Variants in VAPB observed in about 807,000 individuals in gnomAD.
The protein encoded by VAPB is vesicle-associated membrane protein-associated protein B/C.
VAPB carries 7 observed loss-of-function variants against 25.6 expected under a neutral mutation model. The ratio of observed to expected loss-of-function variants is 0.27; its 90% CI spans 0.16 to 0.51. VAPB has a LOEUF of 0.51. Ranked by LOEUF, VAPB falls within the 20% of genes least tolerant of loss-of-function variation. VAPB has a pLI of 0.97. For missense variants in VAPB, 266 were observed against 301.3 expected, an observed-to-expected ratio of 0.88 and a Z score of 0.87; for synonymous variants, 112 against 109.2, an observed-to-expected ratio of 1.03 and a Z score of -0.16.
Position 58,389,409 on chromosome 20 carries a change from C to G in VAPB, c.-51C>G, listed in dbSNP as rs1478197072. The stretch of plus-strand genomic sequence containing the variant: ...GGCGCAGCATTAACGCTTCCCGCCC[C>G]GGTGACCTCTCAGGGGTCTCCCCGC... On this transcript the variant is annotated 5_prime_UTR_variant, in exon 1 of 6. Coordinates refer to ENST00000475243, the MANE Select transcript of VAPB (RefSeq NM_004738.5). 2 of 1,556,660 alleles carry G rather than the reference C, an allele frequency of 1.3e-6. No individual in the cohort carries two copies. The highest frequency in any genetic ancestry group is 1.7e-6 in the Non-Finnish European group (2 of 1,149,554).
rs1338404739 is a variant in VAPB, at chr20:58,450,198, T to C, written c.*5963T>C. On this transcript the variant is annotated 3_prime_UTR_variant, in exon 6 of 6. Coordinates refer to ENST00000475243, the MANE Select transcript of VAPB (RefSeq NM_004738.5). ...AGACTGAATTCAGCTGTTAATCCTCTAGTACAGTATCCATGTTAAAATGTT... is the reference window on the plus strand; with the variant it reads ...AGACTGAATTCAGCTGTTAATCCTCCAGTACAGTATCCATGTTAAAATGTT... The C allele has an allele frequency of 2.2e-6, 1 of 453,780 alleles. No individual in the cohort carries two copies. The highest frequency in any genetic ancestry group is 2.0e-5 in the African/African-American group (1 of 49,964). 28.1% of individuals were successfully genotyped at this position (453,780 alleles called of 1,614,324 possible).
chr20:58,439,545 T>G (rs550919472), intron 4 of VAPB: 2 of 183,852 alleles, frequency 1.1e-5, no homozygotes, highest in East Asian at 2.7e-4. Context: ...GTGGTGGAGG[T>G]TGCCCTGTGT....
chr20:58,435,812 T>C (rs1415234643), intron 3 of VAPB, among the ~76,000 whole-genome samples: 2 of 152,180 alleles, frequency 1.3e-5, no homozygotes, highest in Non-Finnish European at 2.9e-5. Context: ...TTCTGCAACA[T>C]GATGTGTTAC....
At position 58,389,324 on chromosome 20, in the gene VAPB, C is replaced by A. The variant is rs368304523; in HGVS notation, c.-136C>A. The A allele has an allele frequency of 4.9e-5, 47 of 956,588 alleles. No homozygotes were observed. Among genetic ancestry groups the A allele is most frequent in the East Asian group, 3.9e-4 (14 of 35,972 alleles). 59.3% of individuals were successfully genotyped at this position (956,588 alleles called of 1,614,324 possible). ...CCGACCCCCCCCCAGCGCGCCCACC[C>A]GGTAGAGGACCCCCGCCCGTGCCCC... On this transcript the variant is annotated 5_prime_UTR_variant, in exon 1 of 6. Coordinates refer to ENST00000475243, the MANE Select transcript of VAPB (RefSeq NM_004738.5).
chr20:58,444,771 T>G lies in VAPB; in HGVS notation c.*536T>G, dbSNP rs778190410. 27 of 454,446 alleles carry G rather than the reference T, an allele frequency of 5.9e-5. No individual in the cohort carries two copies. In the Admixed American group the frequency reaches 6.1e-4, roughly 10 times the overall value. The allele number at this position is 454,446 out of a possible 1,614,324, so 28.2% of individuals were successfully genotyped here. A position where few individuals can be genotyped will look rare whatever the true frequency, so the allele number is the denominator to read the frequency against. The stretch of plus-strand genomic sequence containing the variant: ...AACAGAGTCAGAAGCCCAAAGGAAT[T>G]GCACTGTGGCAGCATCAGACGTACT... On this transcript the variant is annotated 3_prime_UTR_variant, in exon 6 of 6. Transcript: ENST00000475243.
Position 58,426,143 on chromosome 20 carries a change from A to G in VAPB, c.211+7780A>G, listed in dbSNP as rs1265648731. 2.0e-5 allele frequency among the ~76,000 whole-genome samples: 3 copies of G among 152,072 alleles called. No individual in the cohort carries two copies. In the East Asian group the frequency reaches 5.8e-4, roughly 29 times the overall value. On this transcript the variant is annotated intron_variant, in intron 2 of 5. Coordinates refer to ENST00000475243, the MANE Select transcript of VAPB (RefSeq NM_004738.5). The stretch of plus-strand genomic sequence containing the variant: ...ACTCCTGGCCTCAAGTGATCTGCCT[A>G]CCTCGGCCTCCCAAAGTGCTGGGAT...
intron 2 of VAPB, among the ~76,000 whole-genome samples, chr20:58,420,277 G>A (rs1022537276): frequency 3.3e-5 from 5 of 152,176 alleles, no homozygotes; most frequent in African/African-American, 9.7e-5. Flanking sequence ...GAGCCACCGC[G>A]CCAGGCATCT....
intron 1 of VAPB, among the ~76,000 whole-genome samples, chr20:58,402,104 A>G (rs999815235): frequency 3.9e-5 from 6 of 152,192 alleles, no homozygotes. Context: ...CTTGCTTACA[A>G]TCATTAAATG....
At chr20:58,416,589 G>A (rs1214647170) in intron 1 of VAPB, among the ~76,000 whole-genome samples, 3 of 152,024 alleles carry the variant, frequency 2.0e-5, no homozygotes, top group Non-Finnish European at 4.4e-5. Context: ...TTTATGTCCA[G>A]AATGTCCCTC....
At chr20:58,431,712 G>C (rs893148862) in intron 2 of VAPB, among the ~76,000 whole-genome samples, 1 of 152,020 alleles carries the variant, frequency 6.6e-6, no homozygotes, top group South Asian at 2.1e-4. Context: ...AAGTAGCTGG[G>C]ACTATAGGCT....
chr20:58,422,118 G>A (rs1329552648), intron 2 of VAPB, among the ~76,000 whole-genome samples: 1 of 152,186 alleles, frequency 6.6e-6, no homozygotes, highest in Non-Finnish European at 1.5e-5. Context: ...TTTAGGCCCT[G>A]GCCCCTTGGA....
At chr20:58,415,436 G>C (rs904702579) in intron 1 of VAPB, among the ~76,000 whole-genome samples, 7 of 152,262 alleles carry the variant, frequency 4.6e-5, no homozygotes, top group South Asian at 4.1e-4. Context: ...AGTATTGCCA[G>C]TTTCTCCCAA....
At position 58,448,638 on chromosome 20, in the gene VAPB, C is replaced by T; in HGVS notation, c.*4403C>T. The T allele has an allele frequency of 2.2e-6, 1 of 454,082 alleles. No individual in the cohort carries two copies. The highest frequency in any genetic ancestry group is 2.0e-5 in the African/African-American group (1 of 50,118). 28.1% of individuals were successfully genotyped at this position (454,082 alleles called of 1,614,324 possible). ...AAGTGAGTGGATGAGGCCTTCCTGC[C>T]TCAGCTACTCTGCCCGTCTGTACAT... is the stretch of plus-strand genomic sequence containing the variant. On this transcript the variant is annotated 3_prime_UTR_variant, in exon 6 of 6. Transcript: ENST00000475243.
chr20:58,405,742 CTTTTTT>C (rs71181964), intron 1 of VAPB, among the ~76,000 whole-genome samples: 1 of 43,454 alleles, frequency 2.3e-5, no homozygotes, highest in Non-Finnish European at 3.8e-5. Context: ...GGCCAGGAGC[CTTTTTT>C]TTTTTTTTTT....
chr20:58,440,810 C>T, intron 4 of VAPB, 97 bp from the exon 5 acceptor site: 2 of 1,112,214 alleles, frequency 1.8e-6, no homozygotes, highest in Admixed American at 4.1e-5. Flanking sequence ...TGAAATGCTA[C>T]CACGTTTGGT....
rs1988589913 is a variant in VAPB, at chr20:58,418,194, T to C, written c.59-17T>C. The C allele has an allele frequency of 6.2e-7, 1 of 1,614,104 alleles. No homozygotes were observed. Among genetic ancestry groups the C allele is most frequent in the East Asian group, 2.2e-5 (1 of 44,884 alleles). ...TTCCTCATGAGACCCCCAATCAGTC[T>C]CTGTCTCATTCTACAGGTCCCTTCA... On this transcript the variant is annotated splice_polypyrimidine_tract_variant and intron_variant, in intron 1 of 5. Transcript: ENST00000475243.
chr20:58,397,196 G>T (rs371987925), intron 1 of VAPB, among the ~76,000 whole-genome samples: 2 of 152,120 alleles, frequency 1.3e-5, no homozygotes, highest in East Asian at 3.9e-4. Context: ...TTTTATATCA[G>T]ATTCTGATGG....
intron 2 of VAPB, among the ~76,000 whole-genome samples, chr20:58,422,972 A>G (rs1366829996): frequency 1.3e-5 from 2 of 152,160 alleles, no homozygotes; most frequent in African/African-American, 4.8e-5. Flanking sequence ...TTGAAAATGG[A>G]TTAAAGACAA....
At chr20:58,391,188 A>G (rs1427976220) in intron 1 of VAPB, among the ~76,000 whole-genome samples, 1 of 152,188 alleles carries the variant, frequency 6.6e-6, no homozygotes, top group Non-Finnish European at 1.5e-5. Context: ...TCATTCGGTT[A>G]GTCCACAAAC....
Sources: gnomAD v4.1 joint callset for allele counts (sites outside exome capture counted in the v4.1 genomes callset) on GRCh38, gnomAD v4.1.1 for gene constraint, MANE v1.5 for transcripts, NCBI Gene and HGNC (gene_info 2026-07-23, HGNC 2026-07-21) for gene names.